The following CHD5 variants were observed in gnomAD, a reference collection of about 807,000 sequenced individuals.
CHD5 encodes ATP-dependent chromatin remodeler CHD5.
In CHD5, 69 loss-of-function variants were observed where a neutral mutation model predicts 230.3. The observed-to-expected ratio is 0.30, with a 90% CI of 0.25 to 0.37. The LOEUF is 0.37. CHD5 is among the 10% of genes least tolerant of loss of function. The pLI is 1.00. For missense variants in CHD5, 1,827 were observed against 2,622.8 expected, an observed-to-expected ratio of 0.70 and a Z score of 6.63; for synonymous variants, 1,064 against 1,065.9, an observed-to-expected ratio of 1.00 and a Z score of 0.03.
chr1:6,175,501 AATGGTGGATGGGCAGATGGATGG>A lies in CHD5; in HGVS notation c.79+4421_79+4443del, dbSNP rs1215861402. ...TGGTGGATGAATGGATGGAAGCATG[AATGGTGGATGGGCAGATGGATGG>A]ATGGTGGATGGGCAGATGGATGGAT... On this transcript the variant is annotated intron_variant, in intron 1 of 41. Transcript: ENST00000262450. Among the ~76,000 whole-genome samples the A allele has an allele frequency of 6.6e-3, 908 of 136,954 alleles. 2 individuals carry two copies. The highest frequency in any genetic ancestry group is 0.022 in the African/African-American group (817 of 36,424). 89.8% of individuals were successfully genotyped at this position (136,954 alleles called of 152,430 possible). A position where few individuals can be genotyped will look rare whatever the true frequency, so the allele number is the denominator to read the frequency against.
Position 6,151,029 on chromosome 1 carries a change from T to C in CHD5, c.994+3A>G. On this transcript the variant is annotated splice_donor_region_variant and intron_variant, in intron 7 of 41. Coordinates refer to ENST00000262450, the MANE Select transcript of CHD5 (RefSeq NM_015557.3). ...CAAGAACTCTCTGGAAGGGGAGTCATACTCCTCTTCTTCTTGCGCCTCCTC... is the reference window on the plus strand; with the variant it reads ...CAAGAACTCTCTGGAAGGGGAGTCACACTCCTCTTCTTCTTGCGCCTCCTC... 1 of 1,555,628 alleles carries C rather than the reference T, an allele frequency of 6.4e-7. No homozygotes were observed. The highest frequency in any genetic ancestry group is 8.7e-7 in the Non-Finnish European group (1 of 1,144,052).
intron 1 of CHD5, among the ~76,000 whole-genome samples, chr1:6,173,829 G>T (rs141889468): frequency 6.8e-4 from 104 of 152,246 alleles, no homozygotes; most frequent in African/African-American, 2.4e-3. Context: ...GTTAGTCCTC[G>T]AACCTCCCCC....
At position 6,124,603 on chromosome 1, in the gene CHD5, T is replaced by C; in HGVS notation, c.4453A>G (p.Thr1485Ala). Residue 1485 changes from threonine to alanine, a missense_variant, in exon 30 of 42, where the codon ACC becomes GCC. Around this residue, in one of 14 missense-constraint regions of CHD5, gnomAD observed 108 missense variants for 152.4 expected, o/e 0.71. Transcript: ENST00000262450. ...TCCCGGGGCACGCCGTCTGCGAAGG[T>C]CTCTGCACCATCCGCCCCCGGCTCA... ...LCEPGADGAE[T>A]FADGVPREGL... 1 of 1,544,428 alleles carries C rather than the reference T, an allele frequency of 6.5e-7. No individual in the cohort carries two copies. The highest frequency in any genetic ancestry group is 8.8e-7 in the Non-Finnish European group (1 of 1,141,112).
At position 6,125,574 on chromosome 1, in the gene CHD5, T is replaced by C; in HGVS notation, c.4210A>G (p.Arg1404Gly). The C allele has an allele frequency of 6.2e-7, 1 of 1,603,760 alleles. No homozygotes were observed. Among genetic ancestry groups the C allele is most frequent in the Non-Finnish European group, 8.5e-7 (1 of 1,174,926 alleles). ...AGAAGCGGGGGCAGGGGCTTGTCCC[T>C]GTCACTCTTCAGCTGCCTCCGGGAT... The part of the protein sequence containing the change: ...RQSRRQLKSD[R>G]DKPLPPLLAR... The change falls in exon 28 of 42, where the codon AGG becomes GGG. Residue 1404 changes from arginine (R) to glycine (G), a missense_variant. Transcript: ENST00000262450. The surrounding 1 kb of genome is among the most constrained non-coding windows in gnomAD (Gnocchi z 6.7).
intron 2 of CHD5, 127 bp from the exon 3 acceptor site, chr1:6,159,642 C>T (rs1202327377): frequency 6.7e-6 from 5 of 744,762 alleles, no homozygotes; most frequent in South Asian, 3.7e-5. Context: ...CATCACTCCA[C>T]TCATCATCAG....
rs1303587072 is a variant in CHD5, at chr1:6,131,032, A to T, written c.3262+599T>A. 6.6e-6 allele frequency among the ~76,000 whole-genome samples: 1 copy of T among 152,194 alleles called. No homozygotes were observed. The highest frequency in any genetic ancestry group is 1.5e-5 in the Non-Finnish European group (1 of 68,026). On this transcript the variant is annotated intron_variant, in intron 21 of 41. Coordinates refer to ENST00000262450, the MANE Select transcript of CHD5 (RefSeq NM_015557.3). This position sits in a 1 kb window ranked among gnomAD's most constrained non-coding sequence, Gnocchi z 5.0. Reference sequence around the variant, plus strand: ...TTGGAGAGCGTGGCCCCAGCCCCTAAGGGCTGACGCCCCAGGGAAACAAAG... The same window carrying T: ...TTGGAGAGCGTGGCCCCAGCCCCTATGGGCTGACGCCCCAGGGAAACAAAG...
At chr1:6,110,981 G>A (rs935239260) in intron 36 of CHD5, among the ~76,000 whole-genome samples, 1 of 152,210 alleles carries the variant, frequency 6.6e-6, no homozygotes, top group Non-Finnish European at 1.5e-5. Context: ...TGTAATCCCA[G>A]CATTTTGGGA....
At chr1:6,110,588 G>A in intron 36 of CHD5, 62 bp from the exon 37 acceptor site, 1 of 1,462,750 alleles carries the variant, frequency 6.8e-7, no homozygotes, top group South Asian at 1.2e-5. Flanking sequence ...GTAGGGGGAG[G>A]CAGCTCAGGG....
In CHD5 at chr1:6,168,403, C is replaced by T. The variant is rs568387195; in HGVS notation, c.80-126G>A. ...CCAACTGTGCCAGGTCACAGCTGCC[C>T]TGCCCTCCCCAAACCCAGTGAAGTG... is the stretch of plus-strand genomic sequence containing the variant. On this transcript the variant is annotated intron_variant, in intron 1 of 41. Coordinates refer to ENST00000262450, the MANE Select transcript of CHD5 (RefSeq NM_015557.3). 8 of 1,139,970 alleles carry T rather than the reference C, an allele frequency of 7.0e-6. No individual in the cohort carries two copies. The South Asian group carries it at 1.0e-4, about 15-fold the overall frequency. 70.6% of individuals were successfully genotyped at this position (1,139,970 alleles called of 1,614,324 possible).
chr1:6,172,820 C>T (rs1667359665), intron 1 of CHD5, among the ~76,000 whole-genome samples: 1 of 152,178 alleles, frequency 6.6e-6, no homozygotes, highest in African/African-American at 2.4e-5. Flanking sequence ...CTCTGCCAGA[C>T]CCAGGCTCCA....
At chr1:6,107,155 ATGGAGGGATGGAGGGAAGG>A (rs1284100040) in intron 38 of CHD5, among the ~76,000 whole-genome samples, 13 of 119,058 alleles carry the variant, frequency 1.1e-4, no homozygotes, top group African/African-American at 3.6e-4. Flanking sequence ...TGGAGCGAAG[ATGGAGGGATGGAGGGAAGG>A]TGGAGGGATG....
Position 6,140,601 on chromosome 1 carries a change from C to A in CHD5, c.2436+1527G>T, listed in dbSNP as rs939438866. ...AGAAAACACTGAGACCCAGTGAGGCCACGTGACTTGCCAGAAGTCACACAG... is the reference window on the plus strand; with the variant it reads ...AGAAAACACTGAGACCCAGTGAGGCAACGTGACTTGCCAGAAGTCACACAG... On this transcript the variant is annotated intron_variant, in intron 15 of 41. Transcript: ENST00000262450. Among the ~76,000 whole-genome samples, 3 of 152,142 alleles carry A rather than the reference C, an allele frequency of 2.0e-5. No individual in the cohort carries two copies. The South Asian group carries it at 6.2e-4, about 31-fold the overall frequency.
intron 2 of CHD5, among the ~76,000 whole-genome samples, chr1:6,166,496 T>A (rs1319660642): frequency 6.6e-6 from 1 of 151,940 alleles, no homozygotes; most frequent in Non-Finnish European, 1.5e-5. Context: ...GGTACACACC[T>A]GGGGCAACTC....
In CHD5 at chr1:6,155,661, G is replaced by A; in HGVS notation, c.444C>T (p.Tyr148=). ...TGTGGTAATCCTCCTCCGAGAACAG[G>A]TAGTCCACGTCGTCCAGGCCCCACT... ...MAEWGLDDVD[Y]LFSEEDYHTL... Residue 148 remains tyrosine (Y), a synonymous_variant, in exon 4 of 42, where the codon TAC becomes TAT. Coordinates refer to ENST00000262450, the MANE Select transcript of CHD5 (RefSeq NM_015557.3). This position sits in a 1 kb window ranked among gnomAD's most constrained non-coding sequence, Gnocchi z 4.0. 6.2e-7 allele frequency: 1 copy of A among 1,614,128 alleles called. No homozygotes were observed.
In CHD5 at chr1:6,146,785, C is replaced by T; in HGVS notation, c.1470G>A (p.Gly490=). The T allele has an allele frequency of 1.3e-6, 2 of 1,596,618 alleles. No homozygotes were observed. Among genetic ancestry groups the T allele is most frequent in the South Asian group, 1.1e-5 (1 of 88,922 alleles). ...PPAPFMVGLP[G]PDVEPSLPPP... ...GAGGGAGGCTGGGCTCCACGTCAGG[C>T]CCCGGCAGCCCCACCATGAAGGGGG... Residue 490 remains glycine, a synonymous_variant, in exon 10 of 42, where the codon GGG becomes GGA. Coordinates refer to ENST00000262450, the MANE Select transcript of CHD5 (RefSeq NM_015557.3). The surrounding 1 kb of genome is among the most constrained non-coding windows in gnomAD (Gnocchi z 5.1).
intron 1 of CHD5, among the ~76,000 whole-genome samples, chr1:6,178,770 AG>A (rs933736076): frequency 1.4e-4 from 22 of 152,142 alleles, no homozygotes; most frequent in African/African-American, 4.6e-4. Flanking sequence ...AGAAGGGGGC[AG>A]GGGGTGTGGC....
chr1:6,150,176 TGATG>T (rs1332465297), intron 7 of CHD5, among the ~76,000 whole-genome samples: 1 of 143,036 alleles, frequency 7.0e-6, no homozygotes, highest in Non-Finnish European at 1.5e-5. Context: ...GACAAATGGA[TGATG>T]GATGGACAGA....
Position 6,121,451 on chromosome 1 carries a change from AC to A in CHD5, c.4779+42del. 1 of 1,568,346 alleles carries A rather than the reference AC, an allele frequency of 6.4e-7. No individual in the cohort carries two copies. Among genetic ancestry groups the A allele is most frequent in the Non-Finnish European group, 8.7e-7 (1 of 1,147,690 alleles). On this transcript the variant is annotated intron_variant, in intron 32 of 41. Coordinates refer to ENST00000262450, the MANE Select transcript of CHD5 (RefSeq NM_015557.3). This position sits in a 1 kb window ranked among gnomAD's most constrained non-coding sequence, Gnocchi z 4.5. Reference sequence around the variant, plus strand: ...GAGAAGGTCCCCAGACCCAACCTCCACCCCACACACACCACAGGCCCAGACG... The same window carrying A: ...GAGAAGGTCCCCAGACCCAACCTCCACCCACACACACCACAGGCCCAGACG...
intron 33 of CHD5, 86 bp from the exon 34 acceptor site, chr1:6,113,084 C>T: frequency 2.2e-6 from 2 of 898,758 alleles, no homozygotes; most frequent in Non-Finnish European, 3.7e-6. Flanking sequence ...ACCCATGGAA[C>T]CCTATCCATC....
Sources: gnomAD v4.1 joint callset for allele counts (sites outside exome capture counted in the v4.1 genomes callset) on GRCh38, gnomAD v4.1.1 for gene constraint, gnomAD v4.1.1 regional missense constraint, Gnocchi (gnomAD v3.1) non-coding constraint, MANE v1.5 for transcripts, NCBI Gene and HGNC (gene_info 2026-07-23, HGNC 2026-07-21) for gene names.